Variants in PJA2 observed in about 807,000 individuals in gnomAD.
PJA2 encodes the protein praja ring finger ubiquitin ligase 2.
Under a neutral mutation model 69.3 loss-of-function variants are expected in PJA2, and 25 were observed. That is an observed-to-expected ratio of 0.36 (90% CI 0.26 to 0.50). PJA2 has a LOEUF of 0.50. Ranked by LOEUF, PJA2 falls within the 20% of genes least tolerant of loss-of-function variation. The pLI, the probability that PJA2 is intolerant of heterozygous loss-of-function variation, is 0.96. For missense variants in PJA2, 809 were observed against 830.2 expected (o/e 0.97, Z 0.31); for synonymous variants, 308 against 277.8 (o/e 1.11, Z -1.08).
At chr5:109,341,051 C>T (rs1015604875) in intron 9 of PJA2, among the ~76,000 whole-genome samples, 11 of 146,120 alleles carry the variant, frequency 7.5e-5, no homozygotes, top group Non-Finnish European at 1.5e-4. Flanking sequence ...CAGCCTCTGC[C>T]CGGCTGCCAC....
chr5:109,397,491 T>C (rs1747440187), intron 1 of PJA2, among the ~76,000 whole-genome samples: 1 of 151,204 alleles, frequency 6.6e-6, no homozygotes, highest in Non-Finnish European at 1.5e-5. Flanking sequence ...ACACTTCTCC[T>C]AGTAGAAAAA....
intron 1 of PJA2, among the ~76,000 whole-genome samples, chr5:109,391,812 A>G (rs1305185964): frequency 6.6e-6 from 1 of 152,214 alleles, no homozygotes; most frequent in Non-Finnish European, 1.5e-5. Context: ...TCACATTCCA[A>G]CACATAGCAA....
At chr5:109,349,857 T>C (rs895405731) in intron 7 of PJA2, among the ~76,000 whole-genome samples, 1 of 152,176 alleles carries the variant, frequency 6.6e-6, no homozygotes, top group Non-Finnish European at 1.5e-5. Context: ...ATTCCTTATA[T>C]TGAACTTTCC....
chr5:109,370,419 CA>C (rs1229402011), intron 4 of PJA2, among the ~76,000 whole-genome samples: 2 of 152,098 alleles, frequency 1.3e-5, no homozygotes, highest in Non-Finnish European at 2.9e-5. Context: ...TATTAACAAA[CA>C]GTAGCACTAA....
At chr5:109,368,443 G>A (rs1582604950) in intron 5 of PJA2, 118 bp downstream of exon 5, 11 of 764,106 alleles carry the variant, frequency 1.4e-5, no homozygotes, top group Admixed American at 2.8e-5. Context: ...AAATCAGGGG[G>A]GCCTACTGGT....
intron 1 of PJA2, among the ~76,000 whole-genome samples, chr5:109,386,743 A>C (rs766524484): frequency 9.9e-5 from 15 of 152,048 alleles, no homozygotes; most frequent in Non-Finnish European, 1.8e-4. Flanking sequence ...TGAAAATACT[A>C]TCTCCCTCAT....
chr5:109,396,472 G>C (rs371742487), intron 1 of PJA2, among the ~76,000 whole-genome samples: 25 of 142,268 alleles, frequency 1.8e-4, no homozygotes, highest in African/African-American at 5.0e-4. Context: ...TGTGGCCCAG[G>C]CTAGAGTGCA....
chr5:109,361,815 C>T (rs1268498158), intron 6 of PJA2, among the ~76,000 whole-genome samples: 2 of 152,204 alleles, frequency 1.3e-5, no homozygotes, highest in Non-Finnish European at 2.9e-5. Flanking sequence ...CTGTTCTCCA[C>T]ACATTTTTTT....
At chr5:109,342,479 G>T (rs1582580887) in intron 9 of PJA2, among the ~76,000 whole-genome samples, 4 of 128,550 alleles carry the variant, frequency 3.1e-5, no homozygotes, top group African/African-American at 6.1e-5. Context: ...GAGGTGGGGG[G>T]GTCAGCCCCC....
intron 1 of PJA2, among the ~76,000 whole-genome samples, chr5:109,387,739 C>T (rs1054399965): frequency 6.6e-6 from 1 of 152,136 alleles, no homozygotes; most frequent in African/African-American, 2.4e-5. Flanking sequence ...TCTGGACAGA[C>T]AATAGGAATC....
intron 7 of PJA2, among the ~76,000 whole-genome samples, chr5:109,353,293 AT>A (rs1176854178): frequency 4.3e-5 from 6 of 141,116 alleles, no homozygotes; most frequent in Admixed American, 7.3e-5. Flanking sequence ...ACATCTATAT[AT>A]TAGATATCTA....
At chr5:109,351,294 T>G (rs1020055051) in intron 7 of PJA2, among the ~76,000 whole-genome samples, 7 of 152,108 alleles carry the variant, frequency 4.6e-5, no homozygotes, top group Non-Finnish European at 1.0e-4. Flanking sequence ...AAATCAGAAG[T>G]AAATTTATGC....
At position 109,359,099 on chromosome 5, in the gene PJA2, T is replaced by C. The variant is rs553794032; in HGVS notation, c.1653-3073A>G. Among the ~76,000 whole-genome samples the C allele has an allele frequency of 8.3e-4, 127 of 152,304 alleles. No homozygotes were observed. In the South Asian group the frequency reaches 0.025, roughly 30 times the overall value. ...TTCCTCCTCAGCTTACTACTCAATA[T>C]GAAGACAGCAAGGATGAAGATCTTT... On this transcript the variant is annotated intron_variant, in intron 6 of 9. Transcript: ENST00000361189.
In PJA2 at chr5:109,378,663, T is replaced by C; in HGVS notation, c.824A>G (p.Gln275Arg). 1 of 1,614,116 alleles carries C rather than the reference T, an allele frequency of 6.2e-7. No individual in the cohort carries two copies. Among genetic ancestry groups the C allele is most frequent in the Non-Finnish European group, 8.5e-7 (1 of 1,180,016 alleles). ...AGGTGAATGTTCTGTCTGTCTTTCC[T>C]GGCTAGTATTATTTTGTTGTTTCGT... ...VSTKQQNNTS[Q>R]ERQTEHSPED... The change falls in exon 4 of 10, where the codon CAG becomes CGG. Residue 275 changes from glutamine (Q) to arginine (R), a missense_variant. Around this residue, in one of 4 missense-constraint regions of PJA2, gnomAD observed 700 missense variants for 639.5 expected, o/e 1.09. Transcript: ENST00000361189.
chr5:109,402,838 CA>C (rs1411027769), intron 1 of PJA2, among the ~76,000 whole-genome samples: 1 of 151,822 alleles, frequency 6.6e-6, no homozygotes, highest in Non-Finnish European at 1.5e-5. Context: ...GGAAATTAAA[CA>C]GCAACCTTCA....
chr5:109,379,524 G>C (rs931746153), intron 3 of PJA2, among the ~76,000 whole-genome samples: 1 of 152,128 alleles, frequency 6.6e-6, no homozygotes, highest in Non-Finnish European at 1.5e-5. Context: ...AATGCCTTCT[G>C]CAAGACATAT....
intron 1 of PJA2, among the ~76,000 whole-genome samples, chr5:109,388,223 G>A (rs1344078104): frequency 6.6e-6 from 1 of 152,124 alleles, no homozygotes; most frequent in African/African-American, 2.4e-5. Context: ...AAGCCCACAT[G>A]GTGAAATACT....
Position 109,366,250 on chromosome 5 carries a change from A to G in PJA2, c.1469+2311T>C, listed in dbSNP as rs192395479. Among the ~76,000 whole-genome samples the G allele has an allele frequency of 1.7e-3, 257 of 152,334 alleles. 1 individual carries two copies. The highest frequency in any genetic ancestry group is 3.4e-3 in the Middle Eastern group (1 of 292). ...GTCTGAATCACTGTTAGAAAATAAAATCCAGGTTAGAGAAAATAAATATGT... is the reference window on the plus strand; with the variant it reads ...GTCTGAATCACTGTTAGAAAATAAAGTCCAGGTTAGAGAAAATAAATATGT... On this transcript the variant is annotated intron_variant, in intron 5 of 9. Transcript: ENST00000361189.
At chr5:109,400,480 A>AGGGGC (rs1747514337) in intron 1 of PJA2, among the ~76,000 whole-genome samples, 4 of 18,314 alleles carry the variant, frequency 2.2e-4, no homozygotes, top group African/African-American at 3.2e-4. Context: ...GCAAACCAGC[A>AGGGGC]GGGGGAGGGG....
Sources: allele counts gnomAD v4.1 joint callset (sites outside exome capture counted in the v4.1 genomes callset), GRCh38; gene constraint gnomAD v4.1.1; regional missense constraint gnomAD v4.1.1; transcripts MANE v1.5; gene names NCBI Gene and HGNC (gene_info 2026-07-23, HGNC 2026-07-21).